KAZN: variants seen among roughly 807,000 people sequenced by gnomAD.
The protein encoded by KAZN is kazrin, periplakin interacting protein.
Under a neutral mutation model 87.4 loss-of-function variants are expected in KAZN, and 40 were observed. The ratio of observed to expected loss-of-function variants is 0.46; its 90% CI spans 0.36 to 0.60. KAZN has a LOEUF of 0.60. Ranked by LOEUF, KAZN falls within the 20% of genes least tolerant of loss-of-function variation. The pLI is 0.00. For synonymous variants in KAZN, 466 were observed against 458.3 expected (o/e 1.02, Z -0.22); for missense variants, 898 against 1,073.9 (o/e 0.84, Z 2.29).
chr1:14,554,791 T>C (rs1310639937), intron 2 of KAZN, among the ~76,000 whole-genome samples: 5 of 152,214 alleles, frequency 3.3e-5, no homozygotes, highest in African/African-American at 4.8e-5. Flanking sequence ...TCCTCTCCTA[T>C]TTTCCTAGAC....
chr1:14,867,240 T>C (rs1269827548), intron 1 of KAZN, among the ~76,000 whole-genome samples: 1 of 152,126 alleles, frequency 6.6e-6, no homozygotes, highest in Admixed American at 6.5e-5. Context: ...TCCCTCCTCT[T>C]TTGCCTTGAA....
intron 2 of KAZN, among the ~76,000 whole-genome samples, chr1:14,193,720 T>C (rs1646470324): frequency 6.6e-6 from 1 of 152,090 alleles, no homozygotes; most frequent in Admixed American, 6.6e-5. Context: ...ATTTCTTTTT[T>C]TCTTAGTTTA....
chr1:14,581,031 T>G (rs955012203), intron 2 of KAZN, among the ~76,000 whole-genome samples: 1 of 152,120 alleles, frequency 6.6e-6, no homozygotes, highest in Non-Finnish European at 1.5e-5. Context: ...CTTTCCCTTC[T>G]CTTTCAACAT....
intron 2 of KAZN, among the ~76,000 whole-genome samples, chr1:14,203,531 G>A (rs372409758): frequency 1.1e-3 from 171 of 152,318 alleles, no homozygotes; most frequent in African/African-American, 4.0e-3. Flanking sequence ...TTTAAGAAAT[G>A]ATGGTATTTC....
chr1:14,862,284 G>C (rs1428631198), intron 1 of KAZN, among the ~76,000 whole-genome samples: 1 of 152,188 alleles, frequency 6.6e-6, no homozygotes, highest in Non-Finnish European at 1.5e-5. Flanking sequence ...CCAGCCTTTT[G>C]GTTGCCCGTC....
chr1:14,066,041 C>T lies in KAZN; in HGVS notation c.92-114394C>T, dbSNP rs1280176770. On this transcript the variant is annotated intron_variant, in intron 1 of 16. Transcript: ENST00000636203. ...TATACCACTCCGTATGCCTTTGCTA[C>T]CCAGCTTAGGTCCTACTTATAAGTG... Among the ~76,000 whole-genome samples, 3 of 152,148 alleles carry T rather than the reference C, an allele frequency of 2.0e-5. No homozygotes were observed. The East Asian group carries it at 5.8e-4, about 29-fold the overall frequency.
chr1:14,661,785 A>G (rs1439149907), intron 1 of KAZN, among the ~76,000 whole-genome samples: 1 of 152,106 alleles, frequency 6.6e-6, no homozygotes, highest in African/African-American at 2.4e-5. Context: ...GCATGGTGGC[A>G]CATACCTGTA....
intron 1 of KAZN, among the ~76,000 whole-genome samples, chr1:14,612,220 G>C (rs889864446): frequency 2.6e-5 from 4 of 152,178 alleles, no homozygotes; most frequent in Admixed American, 1.3e-4. Context: ...GTGGTTAATG[G>C]ACAGGAGAGG....
intron 1 of KAZN, among the ~76,000 whole-genome samples, chr1:14,951,303 C>T (rs535524836): frequency 6.6e-6 from 1 of 152,222 alleles, no homozygotes; most frequent in South Asian, 2.1e-4. Context: ...CTGATTCTTC[C>T]TTTCAGAACT....
intron 2 of KAZN, among the ~76,000 whole-genome samples, chr1:14,484,620 T>C (rs1219109813): frequency 6.6e-6 from 1 of 152,188 alleles, no homozygotes; most frequent in Non-Finnish European, 1.5e-5. Context: ...ACAGTAAACA[T>C]TTGTTTTTGT....
At chr1:14,459,347 C>G (rs1342134053) in intron 2 of KAZN, among the ~76,000 whole-genome samples, 1 of 151,708 alleles carries the variant, frequency 6.6e-6, no homozygotes, top group Admixed American at 6.6e-5. Flanking sequence ...GCATCTTTTG[C>G]TTCTCCACAG....
chr1:15,103,336 A>G (rs1387140863), intron 11 of KAZN, 23 bp from the exon 12 acceptor site: 6 of 1,540,414 alleles, frequency 3.9e-6, no homozygotes, highest in Non-Finnish European at 5.3e-6. Context: ...GTCCCTCCGA[A>G]TGACCCACTG....
At chr1:14,937,777 GGGAGTC>G (rs1359392185) in intron 1 of KAZN, among the ~76,000 whole-genome samples, 2 of 152,224 alleles carry the variant, frequency 1.3e-5, no homozygotes, top group African/African-American at 4.8e-5. Flanking sequence ...TCTTCCCAGT[GGGAGTC>G]TGATCTTCCA....
intron 2 of KAZN, among the ~76,000 whole-genome samples, chr1:14,390,295 G>A (rs1255642738): frequency 6.6e-6 from 1 of 152,124 alleles, no homozygotes; most frequent in East Asian, 1.9e-4. Context: ...TACTGGAAAA[G>A]ACAGAAAATA....
At chr1:14,121,213 C>T (rs185132062) in intron 1 of KAZN, among the ~76,000 whole-genome samples, 1 of 152,182 alleles carries the variant, frequency 6.6e-6, no homozygotes, top group African/African-American at 2.4e-5. Context: ...ATAGTATTAG[C>T]AGGCATTCAG....
intron 1 of KAZN, among the ~76,000 whole-genome samples, chr1:14,025,039 A>G (rs1399139107): frequency 2.6e-5 from 4 of 152,256 alleles, no homozygotes; most frequent in African/African-American, 9.6e-5. Context: ...TCTCAGGGTT[A>G]AAAGCATTTG....
intron 1 of KAZN, among the ~76,000 whole-genome samples, chr1:14,887,073 T>C (rs576202993): frequency 2.6e-5 from 4 of 152,300 alleles, no homozygotes; most frequent in African/African-American, 9.6e-5. Context: ...TACTTATTCA[T>C]TTATTTGTTG....
At chr1:14,823,888 CG>C (rs1188144966) in intron 1 of KAZN, among the ~76,000 whole-genome samples, 2 of 152,046 alleles carry the variant, frequency 1.3e-5, no homozygotes, top group African/African-American at 4.8e-5. Flanking sequence ...CCAAGGCAGA[CG>C]GATCACCTGA....
At chr1:13,975,224 A>T (rs150367533) in intron 1 of KAZN, among the ~76,000 whole-genome samples, 2 of 152,254 alleles carry the variant, frequency 1.3e-5, no homozygotes, top group African/African-American at 4.8e-5. Context: ...CGAATTTGGC[A>T]CTTTCTGTCA....
Sources: gnomAD v4.1 joint callset for allele counts (sites outside exome capture counted in the v4.1 genomes callset) on GRCh38, gnomAD v4.1.1 for gene constraint, MANE v1.5 for transcripts, NCBI Gene and HGNC (gene_info 2026-07-23, HGNC 2026-07-21) for gene names.